KHDC1: variants seen among roughly 807,000 people sequenced by gnomAD.
The protein encoded by KHDC1 is KH domain containing 1.
Under a neutral mutation model 24.7 loss-of-function variants are expected in KHDC1, and 21 were observed. The observed-to-expected ratio is 0.85, with a 90% CI of 0.60 to 1.23. KHDC1 has a LOEUF of 1.23. Among genes scored for constraint, KHDC1 ranks in the 50% most tolerant of loss-of-function variants. The probability of loss-of-function intolerance (pLI) is 0.00; values close to 1 mark genes in which losing one functional copy is unlikely to be tolerated. For missense variants in KHDC1, 274 were observed against 298.5 expected, an observed-to-expected ratio of 0.92 and a Z score of 0.61; for synonymous variants, 98 against 111.7, an observed-to-expected ratio of 0.88 and a Z score of 0.77.
intron 2 of KHDC1, among the ~76,000 whole-genome samples, chr6:73,259,892 G>A (rs563813769): frequency 6.6e-5 from 10 of 152,282 alleles, no homozygotes; most frequent in African/African-American, 2.4e-4. Flanking sequence ...GCCCCTGCAA[G>A]TCTTTCTTTT....
intron 1 of KHDC1, chr6:73,299,303 G>T (rs1767819117): frequency 6.6e-6 from 1 of 152,276 alleles, no homozygotes; most frequent in Non-Finnish European, 1.5e-5. Flanking sequence ...CAGCCCCGGG[G>T]GTGGGCACAG....
At chr6:73,282,424 C>T (rs1449191042) in intron 2 of KHDC1, among the ~76,000 whole-genome samples, 1 of 152,060 alleles carries the variant, frequency 6.6e-6, no homozygotes, top group Non-Finnish European at 1.5e-5. Context: ...TCCAAACTGT[C>T]CTTTTTCATT....
intron 1 of KHDC1, among the ~76,000 whole-genome samples, chr6:73,295,944 C>T (rs13209676): frequency 0.082 from 12,037 of 146,476 alleles, 522 homozygotes; most frequent in East Asian, 0.13. Flanking sequence ...GAGTTCAAGA[C>T]CAGCCTGCCC....
At chr6:73,294,047 G>A (rs1767715488) in intron 1 of KHDC1, among the ~76,000 whole-genome samples, 1 of 148,542 alleles carries the variant, frequency 6.7e-6, no homozygotes, top group South Asian at 2.2e-4. Flanking sequence ...CATTTGGGAA[G>A]CCAAGGCAGG....
At chr6:73,306,808 A>G (rs548462379) in intron 1 of KHDC1, among the ~76,000 whole-genome samples, 246 of 152,274 alleles carry the variant, frequency 1.6e-3, no homozygotes, top group Middle Eastern at 6.8e-3. Context: ...AGAGATCGAG[A>G]CCATCCTGGC....
chr6:73,241,954 C>G, intron 4 of KHDC1, 101 bp downstream of exon 3: 2 of 1,331,318 alleles, frequency 1.5e-6, no homozygotes, highest in Non-Finnish European at 2.0e-6. Flanking sequence ...ACTTGGATTC[C>G]CCAGCCACAC....
intron 1 of KHDC1, among the ~76,000 whole-genome samples, chr6:73,297,191 A>G (rs533714252): frequency 7.9e-5 from 12 of 152,156 alleles, no homozygotes; most frequent in Admixed American, 3.3e-4. Flanking sequence ...ATGAGCCATC[A>G]TTACCAGCCT....
At chr6:73,246,954 A>G (rs1396849675) in intron 2 of KHDC1, among the ~76,000 whole-genome samples, 3 of 145,820 alleles carry the variant, frequency 2.1e-5, no homozygotes, top group Non-Finnish European at 3.0e-5. Context: ...TGAATTTTAG[A>G]AAAAAAAAAA....
At chr6:73,251,463 T>C (rs566227144) in intron 2 of KHDC1, among the ~76,000 whole-genome samples, 1 of 152,316 alleles carries the variant, frequency 6.6e-6, no homozygotes, top group East Asian at 1.9e-4. Context: ...AGGGAACCTA[T>C]AGCGAACAAA....
chr6:73,302,657 C>T (rs1026129925), intron 1 of KHDC1, among the ~76,000 whole-genome samples: 7 of 152,110 alleles, frequency 4.6e-5, no homozygotes, highest in Admixed American at 1.3e-4. Flanking sequence ...ATGGTTACGA[C>T]GCCACTGTTA....
At chr6:73,241,923 T>C in intron 4 of KHDC1, 132 bp downstream of exon 3, 1 of 1,134,870 alleles carries the variant, frequency 8.8e-7, no homozygotes, top group East Asian at 2.6e-5. Context: ...GCACTTTTCT[T>C]CCCAATGGAC....
exon 1 of KHDC1, chr6:73,309,702 A>G: frequency 6.5e-7 from 1 of 1,550,200 alleles, no homozygotes; most frequent in Non-Finnish European, 8.7e-7. Flanking sequence ...AGCCTCTGGA[A>G]GGCCGACAGC....
At chr6:73,260,879 T>C (rs1000365771) in intron 2 of KHDC1, among the ~76,000 whole-genome samples, 3 of 152,240 alleles carry the variant, frequency 2.0e-5, no homozygotes, top group South Asian at 2.1e-4. Context: ...TGTCTATTTA[T>C]ACATTTGCCC....
chr6:73,308,632 G>A (rs1768019078), intron 1 of KHDC1, among the ~76,000 whole-genome samples: 1 of 151,844 alleles, frequency 6.6e-6, no homozygotes, highest in Non-Finnish European at 1.5e-5. Flanking sequence ...CGAGTAGCTG[G>A]AACTTCAGAT....
intron 2 of KHDC1, among the ~76,000 whole-genome samples, chr6:73,257,013 T>C (rs1290206267): frequency 6.6e-6 from 1 of 152,010 alleles, no homozygotes; most frequent in Admixed American, 6.6e-5. Context: ...GCATGGCCAG[T>C]GGGGCACGGT....
At chr6:73,309,400 G>C (rs1768036960) in intron 1 of KHDC1, among the ~76,000 whole-genome samples, 1 of 152,162 alleles carries the variant, frequency 6.6e-6, no homozygotes, top group Admixed American at 6.5e-5. Flanking sequence ...GGCACACCCA[G>C]GGTTTTTTTT....
chr6:73,282,627 T>A (rs932332773), intron 2 of KHDC1, among the ~76,000 whole-genome samples: 2 of 152,042 alleles, frequency 1.3e-5, no homozygotes, highest in East Asian at 3.9e-4. Context: ...ATTCAGACCC[T>A]CCCTAAACTG....
intron 2 of KHDC1, among the ~76,000 whole-genome samples, chr6:73,283,822 C>T (rs971078661): frequency 2.6e-5 from 4 of 151,196 alleles, no homozygotes; most frequent in Admixed American, 1.3e-4. Flanking sequence ...GTGATCCTCC[C>T]GCCTCCGCCT....
At chr6:73,248,276 A>G (rs1367105554) in intron 2 of KHDC1, among the ~76,000 whole-genome samples, 1 of 152,082 alleles carries the variant, frequency 6.6e-6, no homozygotes, top group Non-Finnish European at 1.5e-5. Flanking sequence ...TGAGATTGAG[A>G]GCGTGGAGCA....
Sources: gnomAD v4.1 joint callset for allele counts (sites outside exome capture counted in the v4.1 genomes callset) on GRCh38, gnomAD v4.1.1 for gene constraint, MANE v1.5 for transcripts, NCBI Gene and HGNC (gene_info 2026-07-23, HGNC 2026-07-21) for gene names.